Variants in GPM6A observed in about 807,000 individuals in gnomAD.
GPM6A encodes neuronal membrane glycoprotein M6-a.
A neutral mutation model predicts 32.1 loss-of-function variants in GPM6A; 7 were observed. That is an observed-to-expected ratio of 0.22 (90% confidence interval 0.12 to 0.41). The LOEUF is 0.41. Among genes scored for constraint, GPM6A ranks in the 10% least tolerant of loss-of-function variants. The pLI, the probability that GPM6A is intolerant of heterozygous loss-of-function variation, is 1.00. For missense variants in GPM6A, 235 were observed against 347.2 expected, an observed-to-expected ratio of 0.68 and a Z score of 2.57; for synonymous variants, 130 against 123.4, an observed-to-expected ratio of 1.05 and a Z score of -0.35.
rs75405000 is a variant in GPM6A at position 175,891,926 on chromosome 4, G to A, written c.-22-79677C>T. 3.1e-3 allele frequency among the ~76,000 whole-genome samples: 472 copies of A among 152,310 alleles called. 3 individuals are homozygous for A. The highest frequency in any genetic ancestry group is 9.9e-3 in the African/African-American group (412 of 41,570). ...TAATATTGCAAGCTGTGATGCTGCA[G>A]GATTGCCAGGAACAGAGATCAACAA... On this transcript the variant is annotated intron_variant, in intron 1 of 7. Coordinates refer to the GPM6A transcript ENST00000280187.
intron 1 of GPM6A, among the ~76,000 whole-genome samples, chr4:175,744,206 G>A (rs1732004703): frequency 6.6e-6 from 1 of 151,984 alleles, no homozygotes; most frequent in African/African-American, 2.4e-5. Flanking sequence ...ATTTTTAAAA[G>A]GAGGGGGAAT....
intron 1 of GPM6A, among the ~76,000 whole-genome samples, chr4:175,916,284 CAA>C (rs948219097): frequency 6.6e-6 from 1 of 152,134 alleles, no homozygotes; most frequent in Non-Finnish European, 1.5e-5. Context: ...TATACAAATA[CAA>C]AAGTCTACCT....
At chr4:175,708,726 T>C (rs1007122340) in intron 1 of GPM6A, among the ~76,000 whole-genome samples, 1 of 152,128 alleles carries the variant, frequency 6.6e-6, no homozygotes, top group Admixed American at 6.5e-5. Context: ...TAGATTGAGA[T>C]AGAGACAAAG....
chr4:175,752,081 C>G (rs577564966), intron 1 of GPM6A, among the ~76,000 whole-genome samples: 2 of 152,028 alleles, frequency 1.3e-5, no homozygotes, highest in African/African-American at 4.8e-5. Flanking sequence ...ACTATGGAAC[C>G]TTCCTGTTTT....
intron 1 of GPM6A, among the ~76,000 whole-genome samples, chr4:175,782,743 C>T (rs1022339038): frequency 6.6e-6 from 1 of 151,954 alleles, no homozygotes; most frequent in Non-Finnish European, 1.5e-5. Context: ...TTGGACATAG[C>T]TTAAGAAATA....
At chr4:175,832,183 A>ACTTTCCTATTTCCT (rs1474831182) in intron 1 of GPM6A, among the ~76,000 whole-genome samples, 35 of 152,138 alleles carry the variant, frequency 2.3e-4, no homozygotes, top group African/African-American at 8.0e-4. Flanking sequence ...TTCTCAAAGA[A>ACTTTCCTATTTCCT]TTCAGGAACT....
intron 1 of GPM6A, among the ~76,000 whole-genome samples, chr4:175,718,959 C>A (rs1485299361): frequency 6.6e-6 from 1 of 152,054 alleles, no homozygotes; most frequent in Non-Finnish European, 1.5e-5. Flanking sequence ...AATTCAAATT[C>A]TCTTTAAAAA....
intron 1 of GPM6A, among the ~76,000 whole-genome samples, chr4:175,731,078 G>T (rs996873791): frequency 1.3e-5 from 2 of 152,084 alleles, no homozygotes; most frequent in Non-Finnish European, 2.9e-5. Context: ...ATCAGAAGAC[G>T]TTGAATATCA....
At chr4:175,800,227 G>A (rs1467355087) in intron 1 of GPM6A, among the ~76,000 whole-genome samples, 3 of 151,956 alleles carry the variant, frequency 2.0e-5, no homozygotes, top group Non-Finnish European at 4.4e-5. Flanking sequence ...AATGTGCAAA[G>A]TAAAAATAAA....
chr4:175,893,443 C>A (rs1737705807), intron 1 of GPM6A, among the ~76,000 whole-genome samples: 1 of 152,086 alleles, frequency 6.6e-6, no homozygotes. Context: ...GTAATAAAAG[C>A]ATGGAGTACC....
intron 1 of GPM6A, among the ~76,000 whole-genome samples, chr4:175,707,795 C>T (rs1470063180): frequency 1.3e-5 from 2 of 152,006 alleles, no homozygotes; most frequent in Non-Finnish European, 2.9e-5. Flanking sequence ...TATGCTTTTA[C>T]CATTAAGTTT....
chr4:175,783,844 A>T (rs1035453811), intron 1 of GPM6A, among the ~76,000 whole-genome samples: 2 of 152,194 alleles, frequency 1.3e-5, no homozygotes, highest in African/African-American at 4.8e-5. Context: ...TATGAGAATC[A>T]TTCTATTTGC....
intron 6 of GPM6A, among the ~76,000 whole-genome samples, chr4:175,638,257 A>G (rs1346259551): frequency 6.6e-6 from 1 of 151,918 alleles, no homozygotes; most frequent in East Asian, 1.9e-4. Context: ...TATTCCTGGT[A>G]CTAGCAGCAT....
intron 3 of GPM6A, among the ~76,000 whole-genome samples, chr4:175,665,391 G>T (rs753954216): frequency 6.6e-6 from 1 of 151,876 alleles, no homozygotes; most frequent in African/African-American, 2.4e-5. Flanking sequence ...ACATCAATCC[G>T]TGTAACAGAT....
chr4:175,830,403 A>G (rs1158960785), intron 1 of GPM6A, among the ~76,000 whole-genome samples: 1 of 152,224 alleles, frequency 6.6e-6, no homozygotes, highest in African/African-American at 2.4e-5. Context: ...CAAAGTGTAT[A>G]TAAAATAATG....
At chr4:175,836,590 C>T (rs1735775643) in intron 1 of GPM6A, among the ~76,000 whole-genome samples, 1 of 151,980 alleles carries the variant, frequency 6.6e-6, no homozygotes, top group Non-Finnish European at 1.5e-5. Context: ...ACAATGAGAA[C>T]ATGAATTTAA....
chr4:175,695,975 G>T (rs183652225), intron 2 of GPM6A, among the ~76,000 whole-genome samples: 1 of 152,220 alleles, frequency 6.6e-6, no homozygotes, highest in East Asian at 1.9e-4. Flanking sequence ...GTGAGTTGTT[G>T]TGAGATAATT....
At chr4:175,699,961 C>G (rs1744785432) in intron 2 of GPM6A, among the ~76,000 whole-genome samples, 1 of 152,222 alleles carries the variant, frequency 6.6e-6, no homozygotes, top group African/African-American at 2.4e-5. Context: ...CTTCTGGGCT[C>G]AAGCGATTCT....
At chr4:175,903,944 T>C (rs181972526) in intron 1 of GPM6A, among the ~76,000 whole-genome samples, 97 of 152,294 alleles carry the variant, frequency 6.4e-4, no homozygotes, top group Non-Finnish European at 1.2e-3. Context: ...ACTATAGTTA[T>C]GTCAGAGAAT....
Sources: allele counts gnomAD v4.1 joint callset (sites outside exome capture counted in the v4.1 genomes callset), GRCh38; gene constraint gnomAD v4.1.1; transcripts MANE v1.5; gene names NCBI Gene and HGNC (gene_info 2026-07-23, HGNC 2026-07-21).